BMS1: variants seen among roughly 807,000 people sequenced by gnomAD.
The protein encoded by BMS1 is BMS1 ribosome biogenesis factor.
In BMS1, 53 loss-of-function variants were observed where a neutral mutation model predicts 138.7. The observed-to-expected ratio is 0.38, with a 90% confidence interval of 0.31 to 0.48. The LOEUF (loss-of-function observed/expected upper bound fraction) is 0.48, where lower values mean the gene tolerates loss of function less well. BMS1 is among the 20% of genes least tolerant of loss of function. BMS1 has a pLI of 0.97. For missense variants in BMS1, 1,360 were observed against 1,565.5 expected (o/e 0.87, Z 2.22); for synonymous variants, 504 against 539.9 (o/e 0.93, Z 0.92).
At position 42,787,118 on chromosome 10, in the gene BMS1, A is replaced by G. The variant is rs561943045; in HGVS notation, c.368-50A>G. On this transcript the variant is annotated intron_variant, in intron 3 of 22. Coordinates refer to ENST00000374518, the MANE Select transcript of BMS1 (RefSeq NM_014753.4). ...ATGAAAATTAAGAGTTGATGGTTAG[A>G]GTTTTTTCAGGGTCTTTTTAAAGTA... The G allele has an allele frequency of 1.7e-4, 134 of 767,056 alleles. No homozygotes were observed. The African/African-American group carries it at 2.0e-3, about 12-fold the overall frequency. 47.5% of individuals were successfully genotyped at this position (767,056 alleles called of 1,614,324 possible). A position where few individuals can be genotyped will look rare whatever the true frequency, so the allele number is the denominator to read the frequency against.
rs113030441 is a variant in BMS1 at position 42,782,834 on chromosome 10, C to G, written c.-34+4C>G. ...GAGGAGTCGCGGCTGCGAGCAGGTT[C>G]GGTGCTGCGGGTTGGGGTAGGCGGC... On this transcript the variant is annotated splice_donor_region_variant and intron_variant, in intron 1 of 22. Transcript: ENST00000374518. The G allele has an allele frequency of 6.5e-6, 1 of 153,246 alleles. No homozygotes were observed. The highest frequency in any genetic ancestry group is 2.4e-5 in the African/African-American group (1 of 41,434). The allele number at this position is 153,246 out of a possible 1,614,324, so 9.5% of individuals were successfully genotyped here.
intron 11 of BMS1, among the ~76,000 whole-genome samples, chr10:42,797,784 T>A (rs1841736441): frequency 6.6e-6 from 1 of 152,194 alleles, no homozygotes; most frequent in Admixed American, 6.5e-5. Context: ...AAGTCCTTCA[T>A]GAGAATTTTT....
Position 42,834,633 on chromosome 10 carries a change from A to C in BMS1, c.*3537A>C, listed in dbSNP as rs1842845324. On this transcript the variant is annotated 3_prime_UTR_variant, in exon 23 of 23. Coordinates refer to ENST00000374518, the MANE Select transcript of BMS1 (RefSeq NM_014753.4). ...GACATTTAAATGCCAAAGGTGTTTTATTATGAGACTTAGCATTTCATATTT... is the reference window on the plus strand; with the variant it reads ...GACATTTAAATGCCAAAGGTGTTTTCTTATGAGACTTAGCATTTCATATTT... 6.6e-6 allele frequency: 1 copy of C among 152,096 alleles called. No homozygotes were observed. The highest frequency in any genetic ancestry group is 1.5e-5 in the Non-Finnish European group (1 of 68,026). 9.4% of individuals were successfully genotyped at this position (152,096 alleles called of 1,614,324 possible).
At chr10:42,818,576 T>C (rs1304974789) in intron 15 of BMS1, among the ~76,000 whole-genome samples, 1 of 152,182 alleles carries the variant, frequency 6.6e-6, no homozygotes, top group Non-Finnish European at 1.5e-5. Flanking sequence ...GGATGTCGAC[T>C]GGAAGTTCCT....
rs1842837885 is a variant in BMS1, at chr10:42,833,895, C to T, written c.*2799C>T. On this transcript the variant is annotated 3_prime_UTR_variant, in exon 23 of 23. Transcript: ENST00000374518. ...AACTGGGTTGTTCACCTTGTTGGCA[C>T]TTGGAGTAGAGCCACTGAGCTTCGT... 6.6e-6 allele frequency: 1 copy of T among 152,180 alleles called. No homozygotes were observed. The highest frequency in any genetic ancestry group is 2.4e-5 in the African/African-American group (1 of 41,434). 9.4% of individuals were successfully genotyped at this position (152,180 alleles called of 1,614,324 possible).
In BMS1 at chr10:42,823,126, T is replaced by G. The variant is rs183982916; in HGVS notation, c.3141T>G (p.Phe1047Leu). The part of the protein sequence containing the change: ...FKNTSFIKGM[F>L]NSALEVAKFE... ...TCTTGCTATACCTGTAGGGAATGTT[T>G]AATTCTGCCTTGGAAGTGGCCAAAT... is the stretch of plus-strand genomic sequence containing the variant. Residue 1047 changes from phenylalanine (F) to leucine (L), a missense_variant, in exon 20 of 23, where the codon TTT becomes TTG. This residue lies in a region of BMS1 where 425 missense variants were observed against 568.3 expected (regional missense o/e 0.75). Coordinates refer to ENST00000374518, the MANE Select transcript of BMS1 (RefSeq NM_014753.4). 1,091 of 1,588,256 alleles carry G rather than the reference T, an allele frequency of 6.9e-4. 1 individual carries two copies. The highest frequency in any genetic ancestry group is 2.9e-3 in the East Asian group (129 of 44,046).
intron 21 of BMS1, among the ~76,000 whole-genome samples, chr10:42,827,470 C>G (rs1842681871): frequency 1.3e-5 from 2 of 152,102 alleles, no homozygotes; most frequent in African/African-American, 4.8e-5. Context: ...GCTGCTCACC[C>G]TGGGTGGGAC....
rs182061901 is a variant in BMS1 at position 42,796,503 on chromosome 10, T to G, written c.1259T>G (p.Met420Arg). 4 of 1,613,402 alleles carry G rather than the reference T, an allele frequency of 2.5e-6. No individual in the cohort carries two copies. The East Asian group carries it at 8.9e-5, about 36-fold the overall frequency. Residue 420 changes from methionine (M) to arginine (R), a missense_variant, in exon 10 of 23, where the codon ATG becomes AGG. Physicochemically the swap from Met to Arg is moderately conservative, Grantham distance 91. Around this residue, in one of 3 missense-constraint regions of BMS1, gnomAD observed 697 missense variants for 686.2 expected, o/e 1.02. Transcript: ENST00000374518. ...ATGATGCCAAAGGAGGAAAAACAAA[T>G]GGACTTGAACACTGGTCGAATGCGT... is the stretch of plus-strand genomic sequence containing the variant. ...GLMMPKEEKQ[M>R]DLNTGRMRRK...
intron 9 of BMS1, among the ~76,000 whole-genome samples, chr10:42,795,436 C>G (rs1841649360): frequency 6.6e-6 from 1 of 151,980 alleles, no homozygotes; most frequent in East Asian, 1.9e-4. Flanking sequence ...CCTCCTGCTT[C>G]AGCCCCCCAA....
chr10:42,783,572 T>A (rs1352052434), intron 1 of BMS1, among the ~76,000 whole-genome samples: 1 of 152,138 alleles, frequency 6.6e-6, no homozygotes, highest in Non-Finnish European at 1.5e-5. Context: ...TTTTTTTTTT[T>A]AATCAAGCTG....
intron 13 of BMS1, among the ~76,000 whole-genome samples, chr10:42,808,989 G>C (rs1272311776): frequency 6.6e-6 from 1 of 152,054 alleles, no homozygotes; most frequent in Admixed American, 6.5e-5. Context: ...CTATCCCAAG[G>C]CTTGTGACTT....
intron 13 of BMS1, among the ~76,000 whole-genome samples, chr10:42,804,366 C>T (rs1178712527): frequency 6.6e-6 from 1 of 152,200 alleles, no homozygotes; most frequent in Non-Finnish European, 1.5e-5. Flanking sequence ...CTTTATGCAA[C>T]TTCCGGTTGC....
At chr10:42,813,666 C>T (rs1352106924) in intron 13 of BMS1, among the ~76,000 whole-genome samples, 2 of 152,164 alleles carry the variant, frequency 1.3e-5, no homozygotes, top group East Asian at 3.8e-4. Context: ...TGTCCCTCCT[C>T]CCATAGTCCC....
At chr10:42,827,923 G>A (rs1398856275) in intron 21 of BMS1, among the ~76,000 whole-genome samples, 2 of 152,146 alleles carry the variant, frequency 1.3e-5, no homozygotes, top group Non-Finnish European at 2.9e-5. Flanking sequence ...CCATATACAT[G>A]TATTTTTAAA....
Position 42,784,344 on chromosome 10 carries a change from C to T in BMS1, c.-33-18C>T. On this transcript the variant is annotated intron_variant, in intron 1 of 22. Transcript: ENST00000374518. Reference sequence around the variant, plus strand: ...AAATGCTTCTCCCATCTCCTTACCCCAACCTTCTTCCTTGTAGGTTAGAGT... The same window carrying T: ...AAATGCTTCTCCCATCTCCTTACCCTAACCTTCTTCCTTGTAGGTTAGAGT... 1.3e-6 allele frequency: 2 copies of T among 1,515,308 alleles called. No individual in the cohort carries two copies. The highest frequency in any genetic ancestry group is 8.8e-7 in the Non-Finnish European group (1 of 1,133,962). The allele number at this position is 1,515,308 out of a possible 1,614,324, so 93.9% of individuals were successfully genotyped here.
Position 42,796,820 on chromosome 10 carries a change from G to C in BMS1, c.1576G>C (p.Glu526Gln). Reference protein sequence around the residue: ...GEAEEADESSEEEDCTAGEKG... With the variant: ...GEAEEADESSQEEDCTAGEKG... ...AGCGGAGGAAGCTGATGAAAGCAGT[G>C]AAGAAGAGGACTGCACTGCAGGAGA... The change falls in exon 10 of 23, where the codon GAA becomes CAA. Residue 526 changes from glutamate to glutamine, a missense_variant. By Grantham distance (29) the Glu-to-Gln change is conservative (BLOSUM62 2). Coordinates refer to ENST00000374518, the MANE Select transcript of BMS1 (RefSeq NM_014753.4). The C allele has an allele frequency of 3.7e-6, 6 of 1,614,210 alleles. No individual in the cohort carries two copies. The highest frequency in any genetic ancestry group is 5.1e-6 in the Non-Finnish European group (6 of 1,180,028).
At chr10:42,787,386 T>C in intron 4 of BMS1, 139 bp downstream of exon 4, 2 of 726,826 alleles carry the variant, frequency 2.8e-6, no homozygotes, top group South Asian at 1.5e-5. Context: ...GTAGATATGA[T>C]TGAATTGATG....
chr10:42,831,146 C>G lies in BMS1; in HGVS notation c.*50C>G. 4.0e-6 allele frequency: 6 copies of G among 1,504,246 alleles called. No homozygotes were observed. Among genetic ancestry groups the G allele is most frequent in the Non-Finnish European group, 5.4e-6 (6 of 1,117,158 alleles). The allele number at this position is 1,504,246 out of a possible 1,614,324, so 93.2% of individuals were successfully genotyped here. A position where few individuals can be genotyped will look rare whatever the true frequency, so the allele number is the denominator to read the frequency against. Reference sequence around the variant, plus strand: ...CTGGATCTGCGGAGGTAGACAGTTTCAAACATCACAGTTTGAATGCCTGTG... The same window carrying G: ...CTGGATCTGCGGAGGTAGACAGTTTGAAACATCACAGTTTGAATGCCTGTG... On this transcript the variant is annotated 3_prime_UTR_variant, in exon 23 of 23. Coordinates refer to ENST00000374518, the MANE Select transcript of BMS1 (RefSeq NM_014753.4).
At position 42,784,842 on chromosome 10, in the gene BMS1, A is replaced by C. The variant is rs116050449; in HGVS notation, c.176+272A>C. On this transcript the variant is annotated intron_variant, in intron 2 of 22. Coordinates refer to ENST00000374518, the MANE Select transcript of BMS1 (RefSeq NM_014753.4). ...AATTTTAAACTGTTTCTATGGTGAT[A>C]AGTGTGCTTTTTCCCCCCAGGTATG... Among the ~76,000 whole-genome samples the C allele has an allele frequency of 9.5e-3, 1,453 of 152,348 alleles. 25 individuals carry two copies. Among genetic ancestry groups the C allele is most frequent in the African/African-American group, 0.034 (1,398 of 41,588 alleles).
Sources: allele counts gnomAD v4.1 joint callset (sites outside exome capture counted in the v4.1 genomes callset), GRCh38; gene constraint gnomAD v4.1.1; regional missense constraint gnomAD v4.1.1; transcripts MANE v1.5; gene names NCBI Gene and HGNC (gene_info 2026-07-23, HGNC 2026-07-21).